NRG3: variants seen among roughly 807,000 people sequenced by gnomAD.
The protein encoded by NRG3 is pro-neuregulin-3, membrane-bound isoform.
NRG3 carries 31 observed loss-of-function variants against 66.9 expected under a neutral mutation model. The observed-to-expected ratio is 0.46, with a 90% CI of 0.35 to 0.63. NRG3 has a LOEUF of 0.63. Ranked by LOEUF, NRG3 falls within the 20% of genes least tolerant of loss-of-function variation. The pLI, the probability that NRG3 is intolerant of heterozygous loss-of-function variation, is 0.00. For synonymous variants in NRG3, 393 were observed against 359.4 expected (o/e 1.09, Z -1.06); for missense variants, 910 against 878.9 (o/e 1.04, Z -0.45).
intron 1 of NRG3, among the ~76,000 whole-genome samples, chr10:82,096,311 C>T (rs2066340584): frequency 6.6e-6 from 1 of 152,000 alleles, no homozygotes. Flanking sequence ...CCCATCTCTA[C>T]TAAAAATACA....
intron 2 of NRG3, among the ~76,000 whole-genome samples, chr10:82,587,041 C>G (rs2046717819): frequency 6.6e-6 from 1 of 151,984 alleles, no homozygotes; most frequent in Admixed American, 6.6e-5. Context: ...GTGTCCATGC[C>G]TATTTCAGAG....
chr10:82,260,919 G>T (rs2077991420), intron 1 of NRG3, among the ~76,000 whole-genome samples: 1 of 152,174 alleles, frequency 6.6e-6, no homozygotes, highest in Non-Finnish European at 1.5e-5. Flanking sequence ...AAAATCTCAT[G>T]TTGAAATGTA....
intron 1 of NRG3, among the ~76,000 whole-genome samples, chr10:82,338,453 T>A (rs143778212): frequency 2.4e-3 from 371 of 151,472 alleles, no homozygotes; most frequent in African/African-American, 8.5e-3. Context: ...GTAGATTGGG[T>A]ACATGACAGT....
At chr10:82,194,674 A>G (rs2074353089) in intron 1 of NRG3, among the ~76,000 whole-genome samples, 2 of 152,152 alleles carry the variant, frequency 1.3e-5, no homozygotes, top group Admixed American at 1.3e-4. Flanking sequence ...AACTGCTGTG[A>G]GAGGGCACCG....
At chr10:82,382,585 TG>T (rs1386836053) in intron 2 of NRG3, among the ~76,000 whole-genome samples, 6 of 152,056 alleles carry the variant, frequency 3.9e-5, no homozygotes, top group African/African-American at 1.4e-4. Context: ...AGTGCATCTT[TG>T]TTTCATAGAC....
At chr10:82,627,433 C>T (rs1171648048) in intron 2 of NRG3, among the ~76,000 whole-genome samples, 1 of 151,668 alleles carries the variant, frequency 6.6e-6, no homozygotes, top group Admixed American at 6.6e-5. Flanking sequence ...AAGAGAAGGA[C>T]AGGGAAAAAT....
At chr10:82,302,877 G>A (rs2080481912) in intron 1 of NRG3, among the ~76,000 whole-genome samples, 1 of 152,106 alleles carries the variant, frequency 6.6e-6, no homozygotes, top group South Asian at 2.1e-4. Flanking sequence ...ATGGGTCCTA[G>A]TGTCTAGCTT....
intron 1 of NRG3, among the ~76,000 whole-genome samples, chr10:82,250,365 G>A (rs990615582): frequency 5.3e-5 from 8 of 151,888 alleles, no homozygotes; most frequent in Non-Finnish European, 7.4e-5. Flanking sequence ...CAGGTGGATC[G>A]CCTGAGGTCA....
chr10:82,382,191 G>C (rs962238613), intron 2 of NRG3, among the ~76,000 whole-genome samples: 1 of 151,978 alleles, frequency 6.6e-6, no homozygotes, highest in Non-Finnish European at 1.5e-5. Flanking sequence ...AAAATTTGCA[G>C]CCCATGGGAT....
chr10:82,253,991 A>C (rs1294831445), intron 1 of NRG3, among the ~76,000 whole-genome samples: 1 of 152,128 alleles, frequency 6.6e-6, no homozygotes, highest in African/African-American at 2.4e-5. Flanking sequence ...CCCAGCTTTC[A>C]CTATTTCAAG....
At chr10:82,498,194 T>C (rs1212868970) in intron 2 of NRG3, among the ~76,000 whole-genome samples, 1 of 152,176 alleles carries the variant, frequency 6.6e-6, no homozygotes, top group Non-Finnish European at 1.5e-5. Flanking sequence ...TTATAGCTTA[T>C]CTTTTCATTT....
intron 2 of NRG3, among the ~76,000 whole-genome samples, chr10:82,397,280 C>A (rs1010575258): frequency 4.6e-5 from 7 of 152,122 alleles, no homozygotes; most frequent in African/African-American, 1.7e-4. Context: ...GTTTGCCAGA[C>A]CTCATGCCTG....
At chr10:82,955,884 C>T (rs966618497) in intron 5 of NRG3, among the ~76,000 whole-genome samples, 2 of 151,876 alleles carry the variant, frequency 1.3e-5, no homozygotes, top group African/African-American at 2.4e-5. Flanking sequence ...AATGATGCAT[C>T]GATATGAGGC....
intron 1 of NRG3, among the ~76,000 whole-genome samples, chr10:81,882,401 ATGTGTG>A (rs143311321): frequency 6.6e-6 from 1 of 151,756 alleles, no homozygotes; most frequent in African/African-American, 2.4e-5. Flanking sequence ...TAACAAATAT[ATGTGTG>A]TGTGTGTGTC....
chr10:82,702,521 C>G (rs751262909), intron 2 of NRG3, among the ~76,000 whole-genome samples: 1 of 152,148 alleles, frequency 6.6e-6, no homozygotes, highest in Admixed American at 6.6e-5. Context: ...CAAACTTACA[C>G]TACTATGTAA....
chr10:82,922,662 C>T (rs1028092993), intron 4 of NRG3, among the ~76,000 whole-genome samples: 3 of 152,140 alleles, frequency 2.0e-5, no homozygotes, highest in Non-Finnish European at 4.4e-5. Flanking sequence ...TGTGGTTCCA[C>T]TTAGTATTTA....
intron 3 of NRG3, among the ~76,000 whole-genome samples, chr10:82,771,495 G>A (rs559416176): frequency 3.3e-5 from 5 of 152,094 alleles, no homozygotes; most frequent in African/African-American, 1.2e-4. Context: ...CTGTGGACTC[G>A]TGATGCCCCC....
At chr10:82,566,121 A>T (rs1041248760) in intron 2 of NRG3, among the ~76,000 whole-genome samples, 1 of 151,816 alleles carries the variant, frequency 6.6e-6, no homozygotes, top group African/African-American at 2.4e-5. Flanking sequence ...CGTGGCACTT[A>T]ATAAGCCCTC....
In NRG3 at chr10:81,875,607, C is replaced by G. The variant is rs1473261428; in HGVS notation, c.267C>G (p.Ile89Met). ...LGLSLMLLKW[I>M]VVGSVKEYVP... ...TCAGCCTCATGCTTCTCAAATGGATCGTGGTGGGCTCCGTCAAGGAGTACG... is the reference window on the plus strand; with the variant it reads ...TCAGCCTCATGCTTCTCAAATGGATGGTGGTGGGCTCCGTCAAGGAGTACG... The change falls in exon 1 of 9, where the codon ATC (isoleucine) becomes ATG (methionine). Residue 89 changes from isoleucine (I) to methionine (M), a missense_variant. Ile to Met is a conservative substitution (Grantham distance 10). Coordinates refer to ENST00000372141, the MANE Select transcript of NRG3 (RefSeq NM_001010848.4). This position sits in a 1 kb window ranked among gnomAD's most constrained non-coding sequence, Gnocchi z 5.3. 1 of 1,613,560 alleles carries G rather than the reference C, an allele frequency of 6.2e-7. No individual in the cohort carries two copies. The highest frequency in any genetic ancestry group is 8.5e-7 in the Non-Finnish European group (1 of 1,179,938).
Sources: gnomAD v4.1 joint callset for allele counts (sites outside exome capture counted in the v4.1 genomes callset) on GRCh38, gnomAD v4.1.1 for gene constraint, Gnocchi (gnomAD v3.1) non-coding constraint, MANE v1.5 for transcripts, NCBI Gene and HGNC (gene_info 2026-07-23, HGNC 2026-07-21) for gene names.